The following CCSER1 variants were observed in gnomAD, a reference collection of about 807,000 sequenced individuals.
CCSER1 encodes serine-rich coiled-coil domain-containing protein 1.
A neutral mutation model predicts 82.0 loss-of-function variants in CCSER1; 41 were observed. That is an observed-to-expected ratio of 0.50 (90% CI 0.39 to 0.65). The LOEUF (loss-of-function observed/expected upper bound fraction) is 0.65, where lower values mean the gene tolerates loss of function less well. CCSER1 is among the 30% of genes least tolerant of loss of function. The probability of loss-of-function intolerance (pLI) is 0.00; values close to 1 mark genes in which losing one functional copy is unlikely to be tolerated. For missense variants in CCSER1, 1,119 were observed against 1,064.2 expected, an observed-to-expected ratio of 1.05 and a Z score of -0.72; for synonymous variants, 414 against 383.9, an observed-to-expected ratio of 1.08 and a Z score of -0.92.
intron 1 of CCSER1, among the ~76,000 whole-genome samples, chr4:90,199,523 CAA>C (rs1184380232): frequency 6.6e-6 from 1 of 152,016 alleles, no homozygotes; most frequent in African/African-American, 2.4e-5. Context: ...TGTAATAAAA[CAA>C]ATTATTGTAT....
chr4:90,226,688 CCA>C (rs1289785305), intron 1 of CCSER1, among the ~76,000 whole-genome samples: 1 of 152,196 alleles, frequency 6.6e-6, no homozygotes, highest in Non-Finnish European at 1.5e-5. Flanking sequence ...CTTTGGCTTT[CCA>C]CCTTGTTGAG....
chr4:90,388,664 T>G (rs1419865472), intron 3 of CCSER1, among the ~76,000 whole-genome samples: 1 of 147,420 alleles, frequency 6.8e-6, no homozygotes, highest in Non-Finnish European at 1.5e-5. Context: ...AGACGAAGTC[T>G]CATTCTTGTC....
chr4:91,162,468 T>C lies in CCSER1; in HGVS notation c.2217+76474T>C, dbSNP rs543905747. On this transcript the variant is annotated intron_variant, in intron 10 of 10. Coordinates refer to ENST00000509176, the MANE Select transcript of CCSER1 (RefSeq NM_001145065.2). ...ATAAAATGAGTTAGAGAGGAATTCC[T>C]CTTTTTCTATTGATTGGAATATTTT... Among the ~76,000 whole-genome samples the C allele has an allele frequency of 1.2e-4, 19 of 152,326 alleles. No individual in the cohort carries two copies. The South Asian group carries it at 3.7e-3, about 30-fold the overall frequency.
intron 5 of CCSER1, among the ~76,000 whole-genome samples, chr4:90,580,463 A>G (rs1510795): frequency 0.41 from 62,496 of 151,776 alleles, 14,727 homozygotes; most frequent in African/African-American, 0.65. Flanking sequence ...GCTGCTTTGA[A>G]CTCCCCTACC....
chr4:90,650,732 A>G (rs1728602153), intron 6 of CCSER1, among the ~76,000 whole-genome samples: 1 of 152,204 alleles, frequency 6.6e-6, no homozygotes, highest in Admixed American at 6.5e-5. Context: ...ATTAAAACCC[A>G]GGCTCTACTT....
intron 7 of CCSER1, among the ~76,000 whole-genome samples, chr4:90,746,354 A>G (rs993044102): frequency 2.0e-5 from 3 of 152,216 alleles, no homozygotes; most frequent in Non-Finnish European, 4.4e-5. Flanking sequence ...TTTCCTCTCA[A>G]ATATTTTATC....
At chr4:91,001,212 A>G (rs1738003510) in intron 9 of CCSER1, among the ~76,000 whole-genome samples, 1 of 152,146 alleles carries the variant, frequency 6.6e-6, no homozygotes. Context: ...GAATCAATTT[A>G]TTGATTTGCA....
At position 91,346,033 on chromosome 4, in the gene CCSER1, C is replaced by CTTTTTTTTTTT. The variant is rs534383177; in HGVS notation, c.2218-252538_2218-252528dup. On this transcript the variant is annotated intron_variant, in intron 10 of 10. Coordinates refer to ENST00000509176, the MANE Select transcript of CCSER1 (RefSeq NM_001145065.2). The stretch of plus-strand genomic sequence containing the variant: ...CATATCATACTGGGGCTTGACAGCT[C>CTTTTTTTTTTT]TTTTTTTTTTTAAGACAGTCTCACT... Among the ~76,000 whole-genome samples, 29 of 144,988 alleles carry CTTTTTTTTTTT rather than the reference C, an allele frequency of 2.0e-4. 1 individual carries two copies. The South Asian group carries it at 5.4e-3, about 27-fold the overall frequency.
At chr4:91,319,979 G>GCTGTC (rs1746085454) in intron 10 of CCSER1, among the ~76,000 whole-genome samples, 1 of 152,016 alleles carries the variant, frequency 6.6e-6, no homozygotes. Flanking sequence ...GAAATCCTGA[G>GCTGTC]CTGTCCTGTT....
chr4:90,140,415 A>G lies in CCSER1; in HGVS notation c.-42+12584A>G, dbSNP rs148892066. Among the ~76,000 whole-genome samples, 981 of 152,294 alleles carry G rather than the reference A, an allele frequency of 6.4e-3. 6 individuals carry two copies. Among genetic ancestry groups the G allele is most frequent in the Non-Finnish European group, 0.01 (683 of 68,016 alleles). ...GATTTTAGAGTGTGTTTATAGAAAG[A>G]TGGGGTCCTGCTGAGATTACATTCT... is the stretch of plus-strand genomic sequence containing the variant. On this transcript the variant is annotated intron_variant, in intron 1 of 10. Transcript: ENST00000509176.
At chr4:91,025,568 T>G (rs988685997) in intron 9 of CCSER1, among the ~76,000 whole-genome samples, 2 of 152,070 alleles carry the variant, frequency 1.3e-5, no homozygotes, top group African/African-American at 4.8e-5. Context: ...CAGTAGCAAA[T>G]CCTGTGGATA....
At chr4:91,008,153 G>T (rs1033998360) in intron 9 of CCSER1, among the ~76,000 whole-genome samples, 2 of 151,966 alleles carry the variant, frequency 1.3e-5, no homozygotes, top group African/African-American at 2.4e-5. Context: ...CTGTCGTATG[G>T]TCTATTCTGG....
In CCSER1 at chr4:91,239,343, C is replaced by T. The variant is rs1271878114; in HGVS notation, c.2217+153349C>T. ...ACTGCCTCTTCTGACAGACCGTTGA[C>T]GACTATTACCTGTGAAGGTCCCAGC... On this transcript the variant is annotated intron_variant, in intron 10 of 10. Transcript: ENST00000509176. Among the ~76,000 whole-genome samples, 11 of 27,560 alleles carry T rather than the reference C, an allele frequency of 4.0e-4. No homozygotes were observed. In the South Asian group the frequency reaches 0.013, roughly 33 times the overall value. 18.1% of individuals were successfully genotyped at this position (27,560 alleles called of 152,430 possible). A position where few individuals can be genotyped will look rare whatever the true frequency, so the allele number is the denominator to read the frequency against.
At chr4:90,669,137 T>A (rs1165829094) in intron 6 of CCSER1, among the ~76,000 whole-genome samples, 1 of 152,002 alleles carries the variant, frequency 6.6e-6, no homozygotes, top group Non-Finnish European at 1.5e-5. Context: ...ATAATGAATA[T>A]TTTAGAAACA....
At chr4:90,611,418 A>T (rs1360212945) in intron 5 of CCSER1, among the ~76,000 whole-genome samples, 1 of 151,960 alleles carries the variant, frequency 6.6e-6, no homozygotes, top group East Asian at 1.9e-4. Context: ...AGTCCTTTGA[A>T]GCCTTGATAT....
At chr4:91,508,174 TTTTTTC>T (rs1759621354) in intron 10 of CCSER1, among the ~76,000 whole-genome samples, 2 of 146,598 alleles carry the variant, frequency 1.4e-5, no homozygotes, top group South Asian at 4.2e-4. Flanking sequence ...TTTTTTTTTT[TTTTTTC>T]CTGATCTTGG....
chr4:90,466,470 G>C (rs1763661751), intron 4 of CCSER1, among the ~76,000 whole-genome samples: 1 of 152,168 alleles, frequency 6.6e-6, no homozygotes, highest in Admixed American at 6.5e-5. Context: ...AGTAAGTCTG[G>C]AAGTGGATTA....
In CCSER1 at chr4:91,000,219, G is replaced by GGTATA. The variant is rs60452811; in HGVS notation, c.2172+76827_2172+76831dup. 8.5e-3 allele frequency among the ~76,000 whole-genome samples: 1,079 copies of GGTATA among 127,670 alleles called. 7 individuals carry two copies. The highest frequency in any genetic ancestry group is 0.01 in the Non-Finnish European group (564 of 55,874). 83.8% of individuals were successfully genotyped at this position (127,670 alleles called of 152,430 possible). A position where few individuals can be genotyped will look rare whatever the true frequency, so the allele number is the denominator to read the frequency against. ...GCATAGTATAGTATAGTATAGTATA[G>GGTATA]GTATAGTATAGTATAGTATAGTATA... On this transcript the variant is annotated intron_variant, in intron 9 of 10. Coordinates refer to ENST00000509176, the MANE Select transcript of CCSER1 (RefSeq NM_001145065.2).
chr4:90,276,486 A>G (rs1727843286), intron 1 of CCSER1, among the ~76,000 whole-genome samples: 1 of 146,092 alleles, frequency 6.8e-6, no homozygotes, highest in Admixed American at 6.8e-5. Flanking sequence ...AGCTGGGATT[A>G]CAATAAGTGC....
Sources: allele counts gnomAD v4.1 joint callset (sites outside exome capture counted in the v4.1 genomes callset), GRCh38; gene constraint gnomAD v4.1.1; transcripts MANE v1.5; gene names NCBI Gene and HGNC (gene_info 2026-07-23, HGNC 2026-07-21).